Variants in EML5 observed in about 807,000 individuals in gnomAD.
EML5 encodes the protein echinoderm microtubule-associated protein-like 5.
A neutral mutation model predicts 250.0 loss-of-function variants in EML5; 120 were observed. That is an observed-to-expected ratio of 0.48 (90% CI 0.41 to 0.56). The LOEUF is 0.56. Among genes scored for constraint, EML5 ranks in the 20% least tolerant of loss-of-function variants. The pLI is 0.00. For synonymous variants in EML5, 771 were observed against 806.5 expected (o/e 0.96, Z 0.75); for missense variants, 2,006 against 2,437.6 (o/e 0.82, Z 3.73).
intron 1 of EML5, among the ~76,000 whole-genome samples, chr14:88,783,558 A>C (rs1304705701): frequency 6.6e-6 from 1 of 152,270 alleles, no homozygotes; most frequent in Non-Finnish European, 1.5e-5. Context: ...GAAGTAAAAA[A>C]ACAAGTGACA....
In EML5 at chr14:88,769,538, A is replaced by G. The variant is rs533733403; in HGVS notation, c.198-14867T>C. ...AATACAGGTGTTTAGAGAAAAGACA[A>G]TATCTAAAAGGGCTCCTTAGGGGGC... is the stretch of plus-strand genomic sequence containing the variant. On this transcript the variant is annotated intron_variant, in intron 1 of 43. Transcript: ENST00000554922. Among the ~76,000 whole-genome samples, 5 of 152,338 alleles carry G rather than the reference A, an allele frequency of 3.3e-5. No individual in the cohort carries two copies. In the East Asian group the frequency reaches 5.8e-4, roughly 18 times the overall value.
At chr14:88,709,990 A>G (rs2093377713) in intron 10 of EML5, among the ~76,000 whole-genome samples, 1 of 152,158 alleles carries the variant, frequency 6.6e-6, no homozygotes, top group South Asian at 2.1e-4. Context: ...TTTGTCAACA[A>G]GAAGTACAGA....
At chr14:88,742,999 T>A (rs1243976297) in intron 4 of EML5, among the ~76,000 whole-genome samples, 1 of 152,118 alleles carries the variant, frequency 6.6e-6, no homozygotes, top group Non-Finnish European at 1.5e-5. Context: ...TTTGTTCCAA[T>A]GATTTAAAAG....
At chr14:88,789,560 CTGAGAAAATGATGAAATGTCATGTGG>C (rs1472511336) in intron 1 of EML5, among the ~76,000 whole-genome samples, 15 of 66,622 alleles carry the variant, frequency 2.3e-4, no homozygotes, top group South Asian at 6.6e-4. Flanking sequence ...TCAGCCTTTA[CTGAGAAAATGATGAAATGTCATGTGG>C]CACCACCACT....
At position 88,792,566 on chromosome 14, in the gene EML5, C is replaced by A; in HGVS notation, c.-63G>T. 1 of 1,213,504 alleles carries A rather than the reference C, an allele frequency of 8.2e-7. No individual in the cohort carries two copies. The highest frequency in any genetic ancestry group is 1.0e-6 in the Non-Finnish European group (1 of 971,842). The allele number at this position is 1,213,504 out of a possible 1,614,324, so 75.2% of individuals were successfully genotyped here. A position where few individuals can be genotyped will look rare whatever the true frequency, so the allele number is the denominator to read the frequency against. On this transcript the variant is annotated 5_prime_UTR_variant, in exon 1 of 44. Coordinates refer to ENST00000554922, the MANE Select transcript of EML5 (RefSeq NM_183387.3). The surrounding 1 kb of genome is among the most constrained non-coding windows in gnomAD (Gnocchi z 6.9). ...GGCGGCGACGGGAGGCGGCGGCGGCCCGGCAACGAAAGCCCTCCCGCTGGC... is the reference window on the plus strand; with the variant it reads ...GGCGGCGACGGGAGGCGGCGGCGGCACGGCAACGAAAGCCCTCCCGCTGGC...
At chr14:88,674,608 T>A (rs1043573397) in intron 21 of EML5, among the ~76,000 whole-genome samples, 3 of 152,112 alleles carry the variant, frequency 2.0e-5, no homozygotes, top group African/African-American at 7.2e-5. Flanking sequence ...GGGGACACAG[T>A]TAAACCACAT....
At chr14:88,645,111 C>CA (rs2091282987) in intron 29 of EML5, among the ~76,000 whole-genome samples, 1 of 152,104 alleles carries the variant, frequency 6.6e-6, no homozygotes, top group Non-Finnish European at 1.5e-5. Context: ...ACTGCAACTC[C>CA]ACCTCCCGGG....
At chr14:88,617,153 T>C (rs2087770475) in intron 41 of EML5, 1 of 217,098 alleles carries the variant, frequency 4.6e-6, no homozygotes, top group Non-Finnish European at 9.1e-6. Context: ...ATTTTTTCTT[T>C]TTTTTTTTTT....
chr14:88,716,128 TTC>T (rs1380415710), intron 8 of EML5, among the ~76,000 whole-genome samples: 1 of 152,178 alleles, frequency 6.6e-6, no homozygotes, highest in African/African-American at 2.4e-5. Flanking sequence ...TTTTATTGAC[TTC>T]TGTTACACAT....
At chr14:88,645,507 A>T (rs1049145095) in intron 29 of EML5, among the ~76,000 whole-genome samples, 1 of 152,212 alleles carries the variant, frequency 6.6e-6, no homozygotes, top group Admixed American at 6.5e-5. Context: ...CATGGCAGGT[A>T]TTGAATACAT....
At chr14:88,644,737 G>A (rs2091259151) in intron 29 of EML5, 2 of 377,280 alleles carry the variant, frequency 5.3e-6, no homozygotes, top group African/African-American at 4.2e-5. Flanking sequence ...TTGAGACGGA[G>A]TCTCACTCTG....
Position 88,620,924 on chromosome 14 carries a change from C to T in EML5, c.5205G>A (p.Lys1735=). ...TVRLWDIADK[K]MLNKVNLGHA... is the part of the protein sequence containing the mutation. ...GTCCCAAATTCACTTTGTTTAACAT[C>T]TTCTGCATTTAAAAAAAAAAAAAAA... is the stretch of plus-strand genomic sequence containing the variant. Residue 1735 remains lysine, a splice_region_variant and synonymous_variant, in exon 39 of 44, where the codon AAG becomes AAA. Transcript: ENST00000554922. This position sits in a 1 kb window ranked among gnomAD's most constrained non-coding sequence, Gnocchi z 4.3. The T allele has an allele frequency of 6.9e-7, 1 of 1,450,636 alleles. No homozygotes were observed. Among genetic ancestry groups the T allele is most frequent in the Non-Finnish European group, 9.1e-7 (1 of 1,104,078 alleles). 89.9% of individuals were successfully genotyped at this position (1,450,636 alleles called of 1,614,324 possible). A position where few individuals can be genotyped will look rare whatever the true frequency, so the allele number is the denominator to read the frequency against.
At chr14:88,714,475 T>C (rs547814719) in intron 9 of EML5, among the ~76,000 whole-genome samples, 1 of 152,242 alleles carries the variant, frequency 6.6e-6, no homozygotes, top group African/African-American at 2.4e-5. Flanking sequence ...ATATACAGCT[T>C]GTTGAGTACA....
chr14:88,627,261 G>A (rs1033703730), intron 34 of EML5: 6 of 570,898 alleles, frequency 1.1e-5, no homozygotes, highest in East Asian at 2.9e-5. Context: ...TTTATATAAC[G>A]TAAATGTTTT....
At chr14:88,699,797 C>T (rs1397884392) in intron 14 of EML5, among the ~76,000 whole-genome samples, 1 of 151,996 alleles carries the variant, frequency 6.6e-6, no homozygotes, top group Non-Finnish European at 1.5e-5. Flanking sequence ...GCTTAGGCAA[C>T]CAAGTTAATA....
chr14:88,687,397 T>C (rs1595523248), intron 18 of EML5, 70 bp from the exon 19 acceptor site: 2 of 1,084,610 alleles, frequency 1.8e-6, no homozygotes, highest in Non-Finnish European at 2.6e-6. Context: ...TTTTTCCTTA[T>C]ATTGAAAACT....
chr14:88,757,776 TTTTC>T (rs775328427), intron 1 of EML5, among the ~76,000 whole-genome samples: 11 of 151,880 alleles, frequency 7.2e-5, no homozygotes, highest in Non-Finnish European at 1.5e-4. Flanking sequence ...CCATTTCTTT[TTTTC>T]TTTCTCTTTC....
intron 42 of EML5, 25 bp downstream of exon 42, chr14:88,616,698 GATA>G (rs1457295188): frequency 6.3e-7 from 1 of 1,596,970 alleles, no homozygotes; most frequent in East Asian, 2.2e-5. Flanking sequence ...GGAGTAAACT[GATA>G]ATAGTAAACA....
chr14:88,728,167 A>G (rs919750228), intron 7 of EML5, among the ~76,000 whole-genome samples: 1 of 151,540 alleles, frequency 6.6e-6, no homozygotes, highest in Non-Finnish European at 1.5e-5. Context: ...AGTTAGGCCT[A>G]TGATAGTTGC....
Sources: allele counts gnomAD v4.1 joint callset (sites outside exome capture counted in the v4.1 genomes callset), GRCh38; gene constraint gnomAD v4.1.1; non-coding constraint Gnocchi (gnomAD v3.1); transcripts MANE v1.5; gene names NCBI Gene and HGNC (gene_info 2026-07-23, HGNC 2026-07-21).